BTG4: variants seen among roughly 807,000 people sequenced by gnomAD.
The protein encoded by BTG4 is protein BTG4.
In BTG4, 10 loss-of-function variants were observed where a neutral mutation model predicts 19.3. The ratio of observed to expected loss-of-function variants is 0.52; its 90% CI spans 0.32 to 0.88. BTG4 has a LOEUF of 0.88. BTG4 is among the 40% of genes least tolerant of loss of function. The pLI is 0.04. For synonymous variants in BTG4, 91 were observed against 95.7 expected (o/e 0.95, Z 0.29); for missense variants, 238 against 281.9 (o/e 0.84, Z 1.11).
chr11:111,495,154 C>T lies in BTG4; in HGVS notation c.671G>A (p.Trp224Ter). Residue 224 changes from tryptophan to a stop codon, truncating the protein, a stop_gained, in exon 5 of 5, where the codon TGG (tryptophan) becomes TAG (stop). Transcript: ENST00000692032. LOFTEE classifies it high-confidence loss of function. Reference sequence around the variant, plus strand: ...GCTGCGTCATCGGTGTGTGTTGACCCAGTGGTACCTGTCCAGCCGGTGCAT... The same window carrying T: ...GCTGCGTCATCGGTGTGTGTTGACCTAGTGGTACCTGTCCAGCCGGTGCAT... ...PAMHRLDRYH[W>*]VNTHR The T allele has an allele frequency of 6.3e-7, 1 of 1,580,120 alleles. No individual in the cohort carries two copies. Among genetic ancestry groups the T allele is most frequent in the East Asian group, 2.3e-5 (1 of 43,692 alleles).
At chr11:111,503,055 G>A (rs1178849200) in intron 1 of BTG4, among the ~76,000 whole-genome samples, 1 of 152,130 alleles carries the variant, frequency 6.6e-6, no homozygotes, top group African/African-American at 2.4e-5. Context: ...CAGACACTAA[G>A]TATTAGTGGG....
At chr11:111,447,420 G>A in the BTG4 span, among the ~76,000 whole-genome samples, 4 of 152,154 alleles carry the variant, frequency 2.6e-5, no homozygotes, top group South Asian at 2.1e-4. Context: ...GGCTGTACAC[G>A]CACCAAAGGC....
At position 111,497,155 on chromosome 11, in the gene BTG4, T is replaced by C. The variant is rs532283795; in HGVS notation, c.510+56A>G. 3 of 1,487,738 alleles carry C rather than the reference T, an allele frequency of 2.0e-6. No individual in the cohort carries two copies. In the East Asian group the frequency reaches 7.0e-5, roughly 35 times the overall value. The allele number at this position is 1,487,738 out of a possible 1,614,324, so 92.2% of individuals were successfully genotyped here. Reference sequence around the variant, plus strand: ...CTTCTTTGTTTTCATAATGAGTGCATTCTTTTTAGAATTAGATAGAAAAAA... The same window carrying C: ...CTTCTTTGTTTTCATAATGAGTGCACTCTTTTTAGAATTAGATAGAAAAAA... On this transcript the variant is annotated intron_variant, in intron 4 of 4. Coordinates refer to ENST00000692032, the MANE Select transcript of BTG4 (RefSeq NM_001367975.1).
chr11:111,392,166 T>C, the BTG4 span, among the ~76,000 whole-genome samples: 1 of 128,036 alleles, frequency 7.8e-6, no homozygotes, highest in African/African-American at 2.9e-5. Context: ...TTCCTGTGAT[T>C]TTCTTTTTTT....
intron 5 of BTG4, among the ~76,000 whole-genome samples, chr11:111,475,935 T>G (rs532580850): frequency 6.6e-6 from 1 of 152,050 alleles, no homozygotes; most frequent in African/African-American, 2.4e-5. Flanking sequence ...GAACTCCCAT[T>G]TATAAAACCA....
At chr11:111,426,684 A>C in the BTG4 span, among the ~76,000 whole-genome samples, 1 of 151,986 alleles carries the variant, frequency 6.6e-6, no homozygotes. Context: ...CCACTAGATG[A>C]GAAAGACCAG....
At chr11:111,510,977 AT>A (rs1866856812) in intron 1 of BTG4, among the ~76,000 whole-genome samples, 2 of 152,210 alleles carry the variant, frequency 1.3e-5, no homozygotes, top group African/African-American at 4.8e-5. Context: ...GAAGAGAATC[AT>A]TTTTATAACT....
At chr11:111,428,349 C>T in the BTG4 span, among the ~76,000 whole-genome samples, 1 of 152,290 alleles carries the variant, frequency 6.6e-6, no homozygotes, top group Admixed American at 6.5e-5. Flanking sequence ...CCAATTCAGT[C>T]CCTCCAGATT....
At chr11:111,418,425 T>C in the BTG4 span, among the ~76,000 whole-genome samples, 1 of 152,194 alleles carries the variant, frequency 6.6e-6, no homozygotes, top group Non-Finnish European at 1.5e-5. Flanking sequence ...TGTGACCTTC[T>C]TCTTCAGGTG....
At chr11:111,399,777 G>A in the BTG4 span, among the ~76,000 whole-genome samples, 20 of 152,318 alleles carry the variant, frequency 1.3e-4, no homozygotes, top group African/African-American at 4.6e-4. Flanking sequence ...CTATAGCAGA[G>A]CCTGGCTAGA....
chr11:111,393,813 C>T, the BTG4 span, among the ~76,000 whole-genome samples: 1 of 152,198 alleles, frequency 6.6e-6, no homozygotes, highest in South Asian at 2.1e-4. Flanking sequence ...AACTTGAACT[C>T]TGCTCTTAGA....
chr11:111,512,584 G>T (rs998676903), upstream of BTG4, among the ~76,000 whole-genome samples: 1 of 152,160 alleles, frequency 6.6e-6, no homozygotes, highest in African/African-American at 2.4e-5. Context: ...TGGGAGCCCG[G>T]GCCGAGGAGG....
the BTG4 span, among the ~76,000 whole-genome samples, chr11:111,398,453 C>CT: frequency 9.9e-5 from 15 of 151,926 alleles, no homozygotes; most frequent in South Asian, 4.2e-4. Flanking sequence ...ATTTGCATTT[C>CT]TTTTTTTTGT....
the BTG4 span, among the ~76,000 whole-genome samples, chr11:111,431,612 A>G: frequency 0.15 from 22,652 of 152,202 alleles, 2,241 homozygotes; most frequent in African/African-American, 0.28. Flanking sequence ...ACTGATTCAC[A>G]TAATATACGG....
the BTG4 span, among the ~76,000 whole-genome samples, chr11:111,420,403 C>T: frequency 6.6e-6 from 1 of 152,160 alleles, no homozygotes; most frequent in Non-Finnish European, 1.5e-5. Context: ...TGGGCTTTGC[C>T]TGGAGAAAGC....
At chr11:111,422,822 C>T in the BTG4 span, among the ~76,000 whole-genome samples, 1 of 152,204 alleles carries the variant, frequency 6.6e-6, no homozygotes, top group African/African-American at 2.4e-5. Context: ...CCATCCCCAG[C>T]TGGCAGCCAA....
chr11:111,483,080 A>C (rs1305850112), intron 5 of BTG4, among the ~76,000 whole-genome samples: 2 of 152,154 alleles, frequency 1.3e-5, no homozygotes, highest in African/African-American at 4.8e-5. Context: ...CATGCAAGAA[A>C]GCACCTTCGC....
intron 1 of BTG4, among the ~76,000 whole-genome samples, chr11:111,508,438 T>G (rs1358684394): frequency 6.6e-6 from 1 of 151,668 alleles, no homozygotes; most frequent in East Asian, 1.9e-4. Context: ...GGACTTTAAA[T>G]GTTAAAGTCC....
chr11:111,410,652 T>G, the BTG4 span, among the ~76,000 whole-genome samples: 1 of 152,232 alleles, frequency 6.6e-6, no homozygotes, highest in Non-Finnish European at 1.5e-5. Context: ...ACTCAGTTTA[T>G]TCAGCTGTGA....
Sources: allele counts gnomAD v4.1 joint callset (sites outside exome capture counted in the v4.1 genomes callset), GRCh38; gene constraint gnomAD v4.1.1; transcripts MANE v1.5; gene names NCBI Gene and HGNC (gene_info 2026-07-23, HGNC 2026-07-21).